The following HERC4 variants were observed in gnomAD, a reference collection of about 807,000 sequenced individuals.
HERC4 encodes HECT and RLD domain containing E3 ubiquitin protein ligase 4.
HERC4 carries 28 observed loss-of-function variants against 124.3 expected under a neutral mutation model. That is an observed-to-expected ratio of 0.23 (90% CI 0.17 to 0.31). The LOEUF (loss-of-function observed/expected upper bound fraction) is 0.31, where lower values mean the gene tolerates loss of function less well. Among genes scored for constraint, HERC4 ranks in the 10% least tolerant of loss-of-function variants. The pLI, the probability that HERC4 is intolerant of heterozygous loss-of-function variation, is 1.00. For synonymous variants in HERC4, 407 were observed against 421.5 expected (o/e 0.97, Z 0.42); for missense variants, 713 against 1,229.3 (o/e 0.58, Z 6.28).
At chr10:68,049,293 T>C (rs967095208) in intron 3 of HERC4, among the ~76,000 whole-genome samples, 1 of 152,070 alleles carries the variant, frequency 6.6e-6, no homozygotes, top group African/African-American at 2.4e-5. Flanking sequence ...ATAGTGTACA[T>C]GATTTGCTAT....
intron 15 of HERC4, among the ~76,000 whole-genome samples, chr10:67,967,693 T>G (rs550946051): frequency 6.6e-6 from 1 of 152,202 alleles, no homozygotes; most frequent in African/African-American, 2.4e-5. Context: ...CTTGGTGATA[T>G]AGCTCAACAA....
chr10:68,059,610 T>C (rs1470165488), intron 3 of HERC4, among the ~76,000 whole-genome samples: 2 of 89,650 alleles, frequency 2.2e-5, no homozygotes, highest in Admixed American at 1.8e-4. Context: ...CATAATATTA[T>C]ATATCATAAT....
intron 8 of HERC4, among the ~76,000 whole-genome samples, chr10:68,019,801 A>G (rs1221552713): frequency 6.6e-6 from 1 of 152,202 alleles, no homozygotes; most frequent in Non-Finnish European, 1.5e-5. Context: ...AGGGTGGGCA[A>G]TAACGACTTT....
At chr10:68,045,455 C>T (rs1312604588) in intron 3 of HERC4, among the ~76,000 whole-genome samples, 1 of 152,138 alleles carries the variant, frequency 6.6e-6, no homozygotes, top group Non-Finnish European at 1.5e-5. Context: ...AGGCAGTAAA[C>T]CATGACTGAC....
rs552070918 is a variant in HERC4, at chr10:67,942,019, C to T, written c.2338-914G>A. Among the ~76,000 whole-genome samples, 5 of 152,216 alleles carry T rather than the reference C, an allele frequency of 3.3e-5. No homozygotes were observed. The South Asian group carries it at 1.0e-3, about 32-fold the overall frequency. On this transcript the variant is annotated intron_variant, in intron 19 of 24. Transcript: ENST00000373700. ...AAGTACAATGAGTTGCTAAATTTAG[C>T]TGTTTTACTCTCCTTGGATGCTTAG...
At chr10:67,932,479 G>T in intron 23 of HERC4, 118 bp downstream of exon 23, 1 of 778,566 alleles carries the variant, frequency 1.3e-6, no homozygotes, top group Non-Finnish European at 2.0e-6. Context: ...AGGGTAGAGT[G>T]CTTTCCTGTA....
chr10:67,937,561 C>T (rs948324768), intron 21 of HERC4, among the ~76,000 whole-genome samples: 2 of 151,338 alleles, frequency 1.3e-5, no homozygotes, highest in Non-Finnish European at 2.9e-5. Flanking sequence ...AAAAAAGAAC[C>T]AAAATTTCAT....
chr10:68,069,203 T>C, intron 3 of HERC4: 1 of 961,704 alleles, frequency 1.0e-6, no homozygotes, highest in Non-Finnish European at 1.2e-6. Context: ...CAGAACTGAA[T>C]TTGAAAGTAT....
Position 67,990,203 on chromosome 10 carries a change from A to AT in HERC4, c.1633+7dup. On this transcript the variant is annotated splice_region_variant and intron_variant, in intron 14 of 24. Coordinates refer to ENST00000373700, the MANE Select transcript of HERC4 (RefSeq NM_015601.4). ...AGGTTTCAAAAGAAAAAATATTAGAATTCTTACCAAGTACTTTCAGTGGTG... is the reference window on the plus strand; with the variant it reads ...AGGTTTCAAAAGAAAAAATATTAGAATTTCTTACCAAGTACTTTCAGTGGTG... The AT allele has an allele frequency of 1.9e-6, 3 of 1,578,906 alleles. No individual in the cohort carries two copies. The African/African-American group carries it at 4.1e-5, about 22-fold the overall frequency.
At chr10:67,992,707 AAAGCC>A in intron 9 of HERC4, 25 bp from the exon 10 acceptor site, 1 of 1,194,112 alleles carries the variant, frequency 8.4e-7, no homozygotes, top group South Asian at 1.4e-5. Flanking sequence ...TAAAAAATTA[AAAGCC>A]AAGATTTACA....
At chr10:68,012,849 C>T (rs566324089) in intron 9 of HERC4, among the ~76,000 whole-genome samples, 5 of 152,210 alleles carry the variant, frequency 3.3e-5, no homozygotes, top group East Asian at 1.9e-4. Flanking sequence ...TAGTAATTCT[C>T]GCAATATTTC....
chr10:67,993,029 T>G lies in HERC4; in HGVS notation c.1070-347A>C, dbSNP rs187129448. The G allele has an allele frequency of 3.8e-4, 61 of 160,588 alleles. No homozygotes were observed. The East Asian group carries it at 0.01, about 27-fold the overall frequency. The allele number at this position is 160,588 out of a possible 1,614,324, so 9.9% of individuals were successfully genotyped here. A position where few individuals can be genotyped will look rare whatever the true frequency, so the allele number is the denominator to read the frequency against. On this transcript the variant is annotated intron_variant, in intron 9 of 24. Transcript: ENST00000373700. ...TAGAACAAAAGCTACAAAAGATAGC[T>G]AGAAGGAAATAAAAATCAAGAGTAT...
chr10:68,016,732 G>A (rs1474164955), intron 8 of HERC4, among the ~76,000 whole-genome samples: 2 of 152,106 alleles, frequency 1.3e-5, no homozygotes, highest in East Asian at 3.8e-4. Flanking sequence ...TCCTGTTTAG[G>A]TTAAGTCCTT....
intron 15 of HERC4, among the ~76,000 whole-genome samples, chr10:67,979,998 A>C (rs2035833754): frequency 1.3e-5 from 2 of 152,204 alleles, no homozygotes; most frequent in African/African-American, 4.8e-5. Context: ...TGGTGTGCCA[A>C]TATGCTGGCA....
chr10:67,938,101 T>G (rs1203315218), intron 21 of HERC4, among the ~76,000 whole-genome samples: 2 of 151,964 alleles, frequency 1.3e-5, no homozygotes, highest in African/African-American at 2.4e-5. Context: ...AAGAGAATGT[T>G]GTGTGTGTGG....
intron 16 of HERC4, among the ~76,000 whole-genome samples, chr10:67,958,428 T>A (rs1461256098): frequency 1.3e-5 from 2 of 152,224 alleles, no homozygotes; most frequent in Non-Finnish European, 2.9e-5. Flanking sequence ...TATTTGACAA[T>A]GAGGAAGCAA....
intron 7 of HERC4, among the ~76,000 whole-genome samples, chr10:68,031,272 G>A (rs923506846): frequency 6.6e-6 from 1 of 152,244 alleles, no homozygotes; most frequent in Non-Finnish European, 1.5e-5. Context: ...AATTTGAAAA[G>A]CATTAACATT....
chr10:68,059,796 A>AATATTATATATTATAATATTATATATC lies in HERC4; in HGVS notation c.226+13060_226+13086dup, dbSNP rs1564609464. Among the ~76,000 whole-genome samples the AATATTATATATTATAATATTATATATC allele has an allele frequency of 2.1e-3, 177 of 85,406 alleles. 33 individuals carry two copies. Among genetic ancestry groups the AATATTATATATTATAATATTATATATC allele is most frequent in the African/African-American group, 0.012 (170 of 14,230 alleles). 56.0% of individuals were successfully genotyped at this position (85,406 alleles called of 152,430 possible). ...TATATATTATAATATTATATATCAT[A>AATATTATATATTATAATATTATATATC]ATATTATATATTATAATATTATATA... is the stretch of plus-strand genomic sequence containing the variant. On this transcript the variant is annotated intron_variant, in intron 3 of 24. Coordinates refer to ENST00000373700, the MANE Select transcript of HERC4 (RefSeq NM_015601.4).
intron 9 of HERC4, among the ~76,000 whole-genome samples, chr10:68,003,873 C>T (rs1258970759): frequency 6.6e-6 from 1 of 152,088 alleles, no homozygotes; most frequent in African/African-American, 2.4e-5. Context: ...TGGGTGTATA[C>T]CCAGCAATGG....
Sources: allele counts gnomAD v4.1 joint callset (sites outside exome capture counted in the v4.1 genomes callset), GRCh38; gene constraint gnomAD v4.1.1; transcripts MANE v1.5; gene names NCBI Gene and HGNC (gene_info 2026-07-23, HGNC 2026-07-21).